The following BCL2L14 variants were observed in gnomAD, a reference collection of about 807,000 sequenced individuals.
The protein encoded by BCL2L14 is apoptosis facilitator Bcl-2-like protein 14.
A neutral mutation model predicts 35.3 loss-of-function variants in BCL2L14; 27 were observed. The ratio of observed to expected loss-of-function variants is 0.76; its 90% CI spans 0.56 to 1.05. The LOEUF (loss-of-function observed/expected upper bound fraction) is 1.05. Among genes scored for constraint, BCL2L14 ranks in the 50% least tolerant of loss-of-function variants. The probability of loss-of-function intolerance (pLI) is 0.00; values close to 1 mark genes in which losing one functional copy is unlikely to be tolerated. For missense variants in BCL2L14, 377 were observed against 382.6 expected, an observed-to-expected ratio of 0.99 and a Z score of 0.12; for synonymous variants, 139 against 145.9, an observed-to-expected ratio of 0.95 and a Z score of 0.34.
At chr12:12,073,445 T>A (rs1473022197) in intron 1 of BCL2L14, among the ~76,000 whole-genome samples, 1 of 152,158 alleles carries the variant, frequency 6.6e-6, no homozygotes. Context: ...AAGGACTAAG[T>A]ACTCTGTCTT....
intron 2 of BCL2L14, among the ~76,000 whole-genome samples, chr12:12,064,005 A>G (rs1948564732): frequency 6.6e-6 from 1 of 152,056 alleles, no homozygotes; most frequent in Admixed American, 6.6e-5. Context: ...GCCTGCACCC[A>G]GGTGAAATAA....
At chr12:12,095,311 G>C (rs1949292091) in intron 5 of BCL2L14, 1 of 985,312 alleles carries the variant, frequency 1.0e-6, no homozygotes, top group African/African-American at 1.7e-5. Flanking sequence ...CACACTTGCA[G>C]ATACTTAGAG....
At chr12:12,069,407 TG>T (rs1352230906), upstream of BCL2L14, among the ~76,000 whole-genome samples, 6 of 152,014 alleles carry the variant, frequency 3.9e-5, no homozygotes, top group African/African-American at 1.4e-4. Flanking sequence ...AAAAAAAGGT[TG>T]CAAGTTTTTG....
At chr12:12,078,446 G>A (rs950323461) in intron 1 of BCL2L14, among the ~76,000 whole-genome samples, 22 of 152,148 alleles carry the variant, frequency 1.4e-4, no homozygotes, top group Admixed American at 1.1e-3. Context: ...ACTGATCAAC[G>A]TGAGAAAATG....
chr12:12,094,658 A>G lies in BCL2L14; in HGVS notation c.679-6A>G, dbSNP rs1949271224. Reference sequence around the variant, plus strand: ...CTGTACTGAGTGCTTATTCTTTTGTACACAGCTGAAGAAAGATAAGGCTTT... The same window carrying G: ...CTGTACTGAGTGCTTATTCTTTTGTGCACAGCTGAAGAAAGATAAGGCTTT... On this transcript the variant is annotated splice_region_variant and splice_polypyrimidine_tract_variant and intron_variant, in intron 4 of 5. Transcript: ENST00000308721. 7 of 1,614,008 alleles carry G rather than the reference A, an allele frequency of 4.3e-6. No individual in the cohort carries two copies. The highest frequency in any genetic ancestry group is 5.9e-6 in the Non-Finnish European group (7 of 1,180,000).
intron 2 of BCL2L14, chr12:12,054,736 G>T (rs1240166607): frequency 6.6e-6 from 1 of 151,914 alleles, no homozygotes; most frequent in East Asian, 2.0e-4. Flanking sequence ...AGATCATGAG[G>T]TCAGGAGATC....
intron 1 of BCL2L14, among the ~76,000 whole-genome samples, chr12:12,073,568 A>G: frequency 6.6e-6 from 1 of 152,180 alleles, no homozygotes; most frequent in Non-Finnish European, 1.5e-5. Context: ...ACACACACAC[A>G]CATGCACACG....
chr12:12,054,193 T>C (rs550974928), intron 2 of BCL2L14, among the ~76,000 whole-genome samples: 4 of 152,248 alleles, frequency 2.6e-5, no homozygotes, highest in African/African-American at 9.6e-5. Flanking sequence ...CTAGTGAAGT[T>C]AAGAAGCTTG....
chr12:12,060,869 G>A (rs1449578390), intron 2 of BCL2L14, among the ~76,000 whole-genome samples: 2 of 116,534 alleles, frequency 1.7e-5, no homozygotes, highest in African/African-American at 6.8e-5. Flanking sequence ...GACGCTGCCC[G>A]ATAGCTTCGG....
At chr12:12,061,166 A>T (rs1948519855) in intron 2 of BCL2L14, among the ~76,000 whole-genome samples, 1 of 146,746 alleles carries the variant, frequency 6.8e-6, no homozygotes, top group African/African-American at 2.5e-5. Context: ...CTTTAACTAA[A>T]TTATCTGCTT....
intron 2 of BCL2L14, among the ~76,000 whole-genome samples, chr12:12,052,137 G>A (rs1048154458): frequency 2.0e-5 from 3 of 151,824 alleles, no homozygotes; most frequent in Non-Finnish European, 2.9e-5. Context: ...ACATGTTTAT[G>A]GAGTACAATT....
intron 3 of BCL2L14, among the ~76,000 whole-genome samples, chr12:12,088,762 G>A (rs1430059516): frequency 2.0e-5 from 3 of 152,078 alleles, no homozygotes; most frequent in African/African-American, 4.8e-5. Context: ...TCCCTCCAAA[G>A]GTATCCGTGT....
At chr12:12,072,443 A>G (rs1948688138) in intron 1 of BCL2L14, 2 of 152,402 alleles carry the variant, frequency 1.3e-5, no homozygotes, top group Admixed American at 6.5e-5. Context: ...GGGGAGGGAA[A>G]GAGACCAAGA....
chr12:12,075,022 C>T (rs1184071837), intron 1 of BCL2L14, among the ~76,000 whole-genome samples: 1 of 152,126 alleles, frequency 6.6e-6, no homozygotes, highest in Non-Finnish European at 1.5e-5. Context: ...AAGATATCTA[C>T]ATCTTTATAC....
intron 1 of BCL2L14, chr12:12,077,608 C>G (rs541062868): frequency 6.6e-6 from 1 of 152,064 alleles, no homozygotes; most frequent in African/African-American, 2.4e-5. Context: ...ATAGCTACCA[C>G]TTTTGAACCA....
intron 5 of BCL2L14, chr12:12,095,742 G>T (rs889361381): frequency 1.0e-6 from 1 of 985,212 alleles, no homozygotes; most frequent in Non-Finnish European, 1.2e-6. Flanking sequence ...GAGTGACCCT[G>T]GGACCTCCAC....
intron 2 of BCL2L14, among the ~76,000 whole-genome samples, chr12:12,085,319 G>A (rs897297063): frequency 6.6e-6 from 1 of 152,158 alleles, no homozygotes; most frequent in East Asian, 1.9e-4. Flanking sequence ...AGGCAGCAGA[G>A]GCCTGCTTTC....
rs138196116 is a variant in BCL2L14 at position 12,081,779 on chromosome 12, G to A, written c.433+2041G>A. On this transcript the variant is annotated intron_variant, in intron 2 of 5. Transcript: ENST00000308721. ...TCACCATGTTGGTCAGGCTGGCCTC[G>A]AACTCCTGACCTCGTGATCTGCCCA... Among the ~76,000 whole-genome samples the A allele has an allele frequency of 3.9e-5, 6 of 152,088 alleles. No homozygotes were observed. The East Asian group carries it at 9.7e-4, about 25-fold the overall frequency.
At position 12,095,464 on chromosome 12, in the gene BCL2L14, G is replaced by T. The variant is rs1197800563; in HGVS notation, c.945+534G>T. The T allele has an allele frequency of 6.1e-6, 6 of 985,064 alleles. No homozygotes were observed. The East Asian group carries it at 3.4e-4, about 56-fold the overall frequency. 61.0% of individuals were successfully genotyped at this position (985,064 alleles called of 1,614,324 possible). On this transcript the variant is annotated intron_variant, in intron 5 of 5. Coordinates refer to ENST00000308721, the MANE Select transcript of BCL2L14 (RefSeq NM_138723.2). ...ACTTTCATCTATTTTCAATTACCTG[G>T]TATCAGTCAAAACAGACCTCTTTCC...
Sources: gnomAD v4.1 joint callset for allele counts (sites outside exome capture counted in the v4.1 genomes callset) on GRCh38, gnomAD v4.1.1 for gene constraint, MANE v1.5 for transcripts, NCBI Gene and HGNC (gene_info 2026-07-23, HGNC 2026-07-21) for gene names.